Variants in ZMYM2 observed in about 807,000 individuals in gnomAD.
ZMYM2 encodes zinc finger MYM-type protein 2.
ZMYM2 carries 56 observed loss-of-function variants against 162.8 expected under a neutral mutation model. The observed-to-expected ratio is 0.34, with a 90% CI of 0.28 to 0.43. The LOEUF (loss-of-function observed/expected upper bound fraction) is 0.43. Among genes scored for constraint, ZMYM2 ranks in the 20% least tolerant of loss-of-function variants. The pLI, the probability that ZMYM2 is intolerant of heterozygous loss-of-function variation, is 1.00. For missense variants in ZMYM2, 1,275 were observed against 1,621.8 expected (o/e 0.79, Z 3.67); for synonymous variants, 510 against 541.6 (o/e 0.94, Z 0.81).
At chr13:19,886,968 T>C in the ZMYM2 span, among the ~76,000 whole-genome samples, 1 of 151,802 alleles carries the variant, frequency 6.6e-6, no homozygotes, top group East Asian at 1.9e-4. Context: ...GGCCAAAATT[T>C]CACTCAGTTT....
intron 16 of ZMYM2, among the ~76,000 whole-genome samples, chr13:20,060,432 A>G (rs113303449): frequency 2.6e-5 from 4 of 152,158 alleles, no homozygotes; most frequent in Admixed American, 6.5e-5. Flanking sequence ...TAATCCCAGC[A>G]CTTTAGGAGG....
chr13:19,968,555 CCAGACCTCCCCT>C (rs1396116079), intron 2 of ZMYM2, among the ~76,000 whole-genome samples: 1 of 152,226 alleles, frequency 6.6e-6, no homozygotes, highest in Non-Finnish European at 1.5e-5. Flanking sequence ...AGCCACCGCA[CCAGACCTCCCCT>C]CACTAGACTA....
At chr13:19,866,619 G>A in the ZMYM2 span, among the ~76,000 whole-genome samples, 1 of 152,170 alleles carries the variant, frequency 6.6e-6, no homozygotes, top group African/African-American at 2.4e-5. Flanking sequence ...AGCCGAGATT[G>A]CACCATTGCA....
the ZMYM2 span, among the ~76,000 whole-genome samples, chr13:19,875,058 A>C: frequency 6.6e-6 from 1 of 152,222 alleles, no homozygotes; most frequent in Non-Finnish European, 1.5e-5. Context: ...CAGCAGTCCC[A>C]TTACTGGGTA....
the ZMYM2 span, among the ~76,000 whole-genome samples, chr13:19,949,548 A>G: frequency 6.6e-6 from 1 of 152,138 alleles, no homozygotes; most frequent in Middle Eastern, 3.2e-3. Context: ...AGCCATGATC[A>G]TTCTACTGAC....
At chr13:20,039,666 T>C (rs1424579916) in intron 12 of ZMYM2, among the ~76,000 whole-genome samples, 1 of 152,022 alleles carries the variant, frequency 6.6e-6, no homozygotes, top group Admixed American at 6.6e-5. Flanking sequence ...TTAGTAGAGA[T>C]GGGATTTCAC....
At chr13:19,874,955 T>C in the ZMYM2 span, among the ~76,000 whole-genome samples, 66 of 152,342 alleles carry the variant, frequency 4.3e-4, no homozygotes, top group South Asian at 0.013. Context: ...GGAACACTCA[T>C]ACACTGTTGG....
the ZMYM2 span, among the ~76,000 whole-genome samples, chr13:19,895,404 T>C: frequency 6.6e-6 from 1 of 151,938 alleles, no homozygotes; most frequent in Non-Finnish European, 1.5e-5. Context: ...CGGTAATTCA[T>C]AAAGAAAAGA....
chr13:20,045,728 TTATC>T (rs1954713058), intron 12 of ZMYM2, among the ~76,000 whole-genome samples: 1 of 152,182 alleles, frequency 6.6e-6, no homozygotes, highest in African/African-American at 2.4e-5. Context: ...TTTTCATTGT[TTATC>T]TTATTGTTTG....
the ZMYM2 span, among the ~76,000 whole-genome samples, chr13:19,942,492 C>T: frequency 6.9e-6 from 1 of 145,240 alleles, no homozygotes; most frequent in Non-Finnish European, 1.5e-5. Context: ...TGCTTGAGTA[C>T]AGGAGTTTGA....
At chr13:20,078,097 G>A (rs1271518109) in intron 21 of ZMYM2, among the ~76,000 whole-genome samples, 2 of 151,976 alleles carry the variant, frequency 1.3e-5, no homozygotes, top group African/African-American at 4.8e-5. Context: ...GATTACAGAC[G>A]TGAGCCCCAC....
chr13:19,982,281 C>CTTTTTT lies in ZMYM2; in HGVS notation c.-10-10764_-10-10759dup, dbSNP rs56165263. 1.1e-3 allele frequency among the ~76,000 whole-genome samples: 94 copies of CTTTTTT among 86,256 alleles called. 2 individuals carry two copies. Among genetic ancestry groups the CTTTTTT allele is most frequent in the African/African-American group, 1.2e-3 (32 of 26,106 alleles). The allele number at this position is 86,256 out of a possible 152,430, so 56.6% of individuals were successfully genotyped here. A position where few individuals can be genotyped will look rare whatever the true frequency, so the allele number is the denominator to read the frequency against. On this transcript the variant is annotated intron_variant, in intron 2 of 24. Transcript: ENST00000610343. ...TTTCACTGAGTTGTCTATTAGCTGT[C>CTTTTTT]TTTTTTTTTTTTTTTTTTTTTTTGG...
the ZMYM2 span, among the ~76,000 whole-genome samples, chr13:19,937,797 C>T: frequency 8.7e-5 from 10 of 114,790 alleles, no homozygotes; most frequent in African/African-American, 3.3e-4. Context: ...CCGCCCCCCA[C>T]CTCACAACAG....
intron 6 of ZMYM2, among the ~76,000 whole-genome samples, chr13:20,008,007 G>T (rs972075020): frequency 6.6e-6 from 1 of 152,164 alleles, no homozygotes; most frequent in African/African-American, 2.4e-5. Context: ...ACAGTCAGCT[G>T]CAGTTTCCAA....
At chr13:19,972,801 C>T (rs1956438301) in intron 2 of ZMYM2, among the ~76,000 whole-genome samples, 1 of 151,892 alleles carries the variant, frequency 6.6e-6, no homozygotes, top group African/African-American at 2.4e-5. Context: ...ACCACTTCTT[C>T]CACATTCTTC....
At chr13:20,027,375 TC>T in intron 9 of ZMYM2, 57 bp downstream of exon 9, 2 of 1,341,856 alleles carry the variant, frequency 1.5e-6, no homozygotes, top group Non-Finnish European at 2.1e-6. Flanking sequence ...TAGAAAATAA[TC>T]AGTGTAATAT....
rs149184622 is a variant in ZMYM2, at chr13:19,975,203, A to G, written c.-11+15177A>G. On this transcript the variant is annotated intron_variant, in intron 2 of 24. Coordinates refer to ENST00000610343, the MANE Select transcript of ZMYM2 (RefSeq NM_197968.4). Reference sequence around the variant, plus strand: ...AAAAAAAAAAAAAAAGTATAGTAACATAAGACCATTTTTTACCATTTTTAA... The same window carrying G: ...AAAAAAAAAAAAAAAGTATAGTAACGTAAGACCATTTTTTACCATTTTTAA... Among the ~76,000 whole-genome samples, 40 of 151,240 alleles carry G rather than the reference A, an allele frequency of 2.6e-4. 2 individuals are homozygous for G. The highest frequency in any genetic ancestry group is 3.5e-3 in the Middle Eastern group (1 of 288).
intron 21 of ZMYM2, among the ~76,000 whole-genome samples, chr13:20,076,427 TTTTTTA>T (rs1957508893): frequency 6.6e-6 from 1 of 150,506 alleles, no homozygotes; most frequent in Non-Finnish European, 1.5e-5. Context: ...GAAAAGTATA[TTTTTTA>T]TTTTTAAAGA....
chr13:20,019,082 A>G (rs1224967375), intron 6 of ZMYM2, among the ~76,000 whole-genome samples: 1 of 13,568 alleles, frequency 7.4e-5, no homozygotes, highest in African/African-American at 1.1e-4. Context: ...CTCCATCTCA[A>G]AAAAAAAAAA....
Sources: allele counts gnomAD v4.1 joint callset (sites outside exome capture counted in the v4.1 genomes callset), GRCh38; gene constraint gnomAD v4.1.1; transcripts MANE v1.5; gene names NCBI Gene and HGNC (gene_info 2026-07-23, HGNC 2026-07-21).